CNTNAP2: variants seen among roughly 807,000 people sequenced by gnomAD.
The protein encoded by CNTNAP2 is contactin associated protein 2.
CNTNAP2 carries 98 observed loss-of-function variants against 155.2 expected under a neutral mutation model. The ratio of observed to expected loss-of-function variants is 0.63; its 90% confidence interval spans 0.54 to 0.75. The LOEUF (loss-of-function observed/expected upper bound fraction) is 0.75. CNTNAP2 is among the 30% of genes least tolerant of loss of function. CNTNAP2 has a pLI of 0.00. For missense variants in CNTNAP2, 1,727 were observed against 1,688.1 expected, an observed-to-expected ratio of 1.02 and a Z score of -0.40; for synonymous variants, 651 against 631.2, an observed-to-expected ratio of 1.03 and a Z score of -0.47.
rs186606390 is a variant in CNTNAP2, at chr7:148,167,209, G to A, written c.2774-5033G>A. Reference sequence around the variant, plus strand: ...GGCTGGAGTGCAATGGCATGATCTCGGCTCACTGCAACCTCTGCCTCCCAG... The same window carrying A: ...GGCTGGAGTGCAATGGCATGATCTCAGCTCACTGCAACCTCTGCCTCCCAG... On this transcript the variant is annotated intron_variant, in intron 17 of 23. Transcript: ENST00000361727. 6.5e-3 allele frequency among the ~76,000 whole-genome samples: 985 copies of A among 152,038 alleles called. 7 individuals are homozygous for A. Among genetic ancestry groups the A allele is most frequent in the Non-Finnish European group, 7.6e-3 (516 of 68,006 alleles).
intron 10 of CNTNAP2, among the ~76,000 whole-genome samples, chr7:147,413,549 C>A (rs757297453): frequency 1.3e-5 from 2 of 151,856 alleles, no homozygotes; most frequent in Admixed American, 1.3e-4. Flanking sequence ...GGCAGGTGAG[C>A]GTGGGGTGCA....
At chr7:146,367,665 T>C (rs1454158224) in intron 1 of CNTNAP2, among the ~76,000 whole-genome samples, 1 of 152,172 alleles carries the variant, frequency 6.6e-6, no homozygotes, top group Non-Finnish European at 1.5e-5. Context: ...CCTTTCAGTC[T>C]ATTCTGTATG....
chr7:147,461,122 TGAAAA>T (rs551450447), intron 10 of CNTNAP2, among the ~76,000 whole-genome samples: 57 of 152,310 alleles, frequency 3.7e-4, no homozygotes, highest in East Asian at 2.9e-3. Context: ...TCACGACACT[TGAAAA>T]GAAAACATTT....
intron 18 of CNTNAP2, among the ~76,000 whole-genome samples, chr7:148,174,841 C>G (rs1213524848): frequency 6.6e-6 from 1 of 152,066 alleles, no homozygotes; most frequent in African/African-American, 2.4e-5. Context: ...CCGCACCTAT[C>G]AACCCGTCAT....
At chr7:147,515,347 A>C (rs1799103173) in intron 11 of CNTNAP2, among the ~76,000 whole-genome samples, 2 of 96,018 alleles carry the variant, frequency 2.1e-5, no homozygotes, top group Non-Finnish European at 4.3e-5. Context: ...GTTTTGAGAC[A>C]AGTCTCGCTC....
At chr7:146,727,302 A>G (rs2533090) in intron 1 of CNTNAP2, among the ~76,000 whole-genome samples, 8 of 152,152 alleles carry the variant, frequency 5.3e-5, no homozygotes, top group African/African-American at 1.9e-4. Context: ...ACTGACTCAC[A>G]GAAGCTTAGG....
chr7:147,024,334 A>G (rs1478230754), intron 3 of CNTNAP2, among the ~76,000 whole-genome samples: 2 of 152,234 alleles, frequency 1.3e-5, no homozygotes, highest in Non-Finnish European at 2.9e-5. Flanking sequence ...ACAAAAAAAA[A>G]GTACATAAAA....
chr7:147,987,148 G>A (rs138593659), intron 15 of CNTNAP2, among the ~76,000 whole-genome samples: 8 of 152,208 alleles, frequency 5.3e-5, no homozygotes, highest in East Asian at 3.9e-4. Context: ...TGAGCCCACC[G>A]GGCATTTCTG....
chr7:146,617,617 T>A (rs1488494157), intron 1 of CNTNAP2, among the ~76,000 whole-genome samples: 1 of 152,180 alleles, frequency 6.6e-6, no homozygotes, highest in East Asian at 1.9e-4. Flanking sequence ...GTATTTCACA[T>A]CTAAAAGAAC....
At chr7:147,797,909 C>G (rs189941679) in intron 13 of CNTNAP2, among the ~76,000 whole-genome samples, 8 of 151,846 alleles carry the variant, frequency 5.3e-5, no homozygotes, top group Admixed American at 4.6e-4. Flanking sequence ...GTAATGACAC[C>G]AAGAAGTTAT....
intron 13 of CNTNAP2, among the ~76,000 whole-genome samples, chr7:147,797,598 A>AT (rs965262308): frequency 2.6e-5 from 4 of 151,318 alleles, no homozygotes; most frequent in South Asian, 4.2e-4. Context: ...AAGTAAAATA[A>AT]TTTTTTTTTA....
At chr7:148,328,754 G>A (rs1797935776) in intron 21 of CNTNAP2, among the ~76,000 whole-genome samples, 1 of 142,772 alleles carries the variant, frequency 7.0e-6, no homozygotes, top group Non-Finnish European at 1.5e-5. Flanking sequence ...TGGATCACAA[G>A]TTCAGGAGTT....
intron 1 of CNTNAP2, among the ~76,000 whole-genome samples, chr7:146,669,467 A>T (rs1800258163): frequency 6.6e-6 from 1 of 152,214 alleles, no homozygotes. Context: ...CTTTGTTATA[A>T]CATCAATTGC....
chr7:147,304,065 G>A (rs975146158), intron 9 of CNTNAP2, among the ~76,000 whole-genome samples: 1 of 152,140 alleles, frequency 6.6e-6, no homozygotes, highest in African/African-American at 2.4e-5. Flanking sequence ...CGGTTGTGTA[G>A]CTTTCTTTGC....
chr7:146,665,641 T>C (rs1800176888), intron 1 of CNTNAP2, among the ~76,000 whole-genome samples: 1 of 150,822 alleles, frequency 6.6e-6, no homozygotes, highest in Non-Finnish European at 1.5e-5. Flanking sequence ...ATTAGCCAAA[T>C]GTGGTGGCGC....
chr7:146,266,021 A>G (rs1454238400), intron 1 of CNTNAP2, among the ~76,000 whole-genome samples: 1 of 152,114 alleles, frequency 6.6e-6, no homozygotes, highest in Non-Finnish European at 1.5e-5. Context: ...TTAAAGTTCT[A>G]TGGGTGATAC....
At chr7:146,134,892 C>A (rs930318385) in intron 1 of CNTNAP2, among the ~76,000 whole-genome samples, 4 of 151,462 alleles carry the variant, frequency 2.6e-5, no homozygotes, top group Admixed American at 6.6e-5. Context: ...TGTGTCTCTG[C>A]CTGGCTTTGG....
At chr7:148,045,639 G>A (rs575868421) in intron 15 of CNTNAP2, among the ~76,000 whole-genome samples, 5 of 152,288 alleles carry the variant, frequency 3.3e-5, no homozygotes, top group African/African-American at 9.6e-5. Flanking sequence ...GTAAGATTTC[G>A]CTACGCCTTA....
intron 3 of CNTNAP2, among the ~76,000 whole-genome samples, chr7:146,894,524 G>A (rs1795838732): frequency 1.3e-5 from 2 of 152,124 alleles, no homozygotes; most frequent in South Asian, 4.2e-4. Flanking sequence ...TTTTGTACAT[G>A]AATTCCTAAG....
Sources: gnomAD v4.1 joint callset for allele counts (sites outside exome capture counted in the v4.1 genomes callset) on GRCh38, gnomAD v4.1.1 for gene constraint, MANE v1.5 for transcripts, NCBI Gene and HGNC (gene_info 2026-07-23, HGNC 2026-07-21) for gene names.